ZC3H8: variants seen among roughly 807,000 people sequenced by gnomAD.
ZC3H8 encodes zinc finger CCCH-type containing 8.
ZC3H8 carries 27 observed loss-of-function variants against 42.5 expected under a neutral mutation model. The observed-to-expected ratio is 0.64, with a 90% confidence interval of 0.47 to 0.88. ZC3H8 has a LOEUF of 0.88. Ranked by LOEUF, ZC3H8 falls within the 40% of genes least tolerant of loss-of-function variation. The probability of loss-of-function intolerance (pLI) is 0.00; values close to 1 mark genes in which losing one functional copy is unlikely to be tolerated. For synonymous variants in ZC3H8, 101 were observed against 110.1 expected (o/e 0.92, Z 0.52); for missense variants, 277 against 336.1 (o/e 0.82, Z 1.37).
chr2:112,254,782 G>A, intron 1 of ZC3H8, 126 bp downstream of exon 1: 1 of 1,137,472 alleles, frequency 8.8e-7, no homozygotes, highest in Non-Finnish European at 1.2e-6. Context: ...GCCGGCCCAC[G>A]TGCTCCCCAC....
intron 2 of ZC3H8, 78 bp downstream of exon 2, chr2:112,250,111 TTC>T (rs1685896082): frequency 9.4e-7 from 1 of 1,062,016 alleles, no homozygotes; most frequent in African/African-American, 1.6e-5. Flanking sequence ...CATCTGTTTT[TTC>T]TTTTTTTGTT....
intron 8 of ZC3H8, among the ~76,000 whole-genome samples, chr2:112,226,255 A>T (rs964936146): frequency 6.6e-6 from 1 of 151,990 alleles, no homozygotes; most frequent in Non-Finnish European, 1.5e-5. Flanking sequence ...GAATAAACTT[A>T]TAACAAGGAC....
At chr2:112,229,723 G>A (rs995654678) in intron 8 of ZC3H8, among the ~76,000 whole-genome samples, 2 of 152,112 alleles carry the variant, frequency 1.3e-5, no homozygotes, top group Non-Finnish European at 2.9e-5. Flanking sequence ...GAACCTTGTA[G>A]TTGTTTTTGC....
At chr2:112,250,050 C>G in intron 2 of ZC3H8, 141 bp downstream of exon 2, 1 of 515,206 alleles carries the variant, frequency 1.9e-6, no homozygotes, top group Non-Finnish European at 3.3e-6. Flanking sequence ...GTCCCAAATG[C>G]TGGTAAAATG....
At chr2:112,249,717 TAC>T (rs1304530789) in intron 2 of ZC3H8, among the ~76,000 whole-genome samples, 1 of 152,218 alleles carries the variant, frequency 6.6e-6, no homozygotes, top group Non-Finnish European at 1.5e-5. Flanking sequence ...GTGCTGGGAC[TAC>T]AGGCGTGAGC....
At chr2:112,242,849 T>C (rs1453767162) in intron 2 of ZC3H8, among the ~76,000 whole-genome samples, 1 of 152,234 alleles carries the variant, frequency 6.6e-6, no homozygotes, top group Non-Finnish European at 1.5e-5. Context: ...TCCACAGATC[T>C]TTCCAAAAAT....
chr2:112,233,144 G>T, intron 6 of ZC3H8, 116 bp downstream of exon 6: 1 of 608,872 alleles, frequency 1.6e-6, no homozygotes, highest in Non-Finnish European at 2.8e-6. Context: ...TACTAAGTTG[G>T]GCTTGGATAA....
rs1276356201 is a variant in ZC3H8 at position 112,213,781 on chromosome 2, A to G, written c.*2703T>C. 8.0e-6 allele frequency: 1 copy of G among 125,588 alleles called. No homozygotes were observed. The allele number at this position is 125,588 out of a possible 1,614,324, so 7.8% of individuals were successfully genotyped here. A position where few individuals can be genotyped will look rare whatever the true frequency, so the allele number is the denominator to read the frequency against. On this transcript the variant is annotated 3_prime_UTR_variant, in exon 9 of 9. Coordinates refer to ENST00000409573, the MANE Select transcript of ZC3H8 (RefSeq NM_032494.3). The stretch of plus-strand genomic sequence containing the variant: ...ACAGAGCGAGACTCCGTCTCAAAAA[A>G]AAAAAAAAAAAAAAAAAAAAAAAAA...
chr2:112,254,273 T>C (rs1686050267), intron 1 of ZC3H8, among the ~76,000 whole-genome samples: 1 of 152,164 alleles, frequency 6.6e-6, no homozygotes, highest in Non-Finnish European at 1.5e-5. Flanking sequence ...TAGACACTGC[T>C]CCAAAAATAT....
intron 2 of ZC3H8, among the ~76,000 whole-genome samples, chr2:112,243,574 C>T (rs530872666): frequency 6.6e-6 from 1 of 151,694 alleles, no homozygotes; most frequent in South Asian, 2.1e-4. Context: ...AAATAATTAC[C>T]TCACAAAGAA....
rs893077936 is a variant in ZC3H8 at position 112,254,811 on chromosome 2, C to T, written c.74+97G>A. On this transcript the variant is annotated intron_variant, in intron 1 of 8. Coordinates refer to ENST00000409573, the MANE Select transcript of ZC3H8 (RefSeq NM_032494.3). ...TCCCCACGGGCCCTCGCGACGCGGC[C>T]CGGACGTGGCCCCGGACTGCCTCCA... The T allele has an allele frequency of 4.9e-6, 7 of 1,425,132 alleles. No individual in the cohort carries two copies. The African/African-American group carries it at 1.0e-4, about 20-fold the overall frequency. The allele number at this position is 1,425,132 out of a possible 1,614,324, so 88.3% of individuals were successfully genotyped here.
Position 112,224,793 on chromosome 2 carries a change from C to T in ZC3H8, c.*15+6110G>A, listed in dbSNP as rs147930769. ...CTAATCGATACTTACTGAAAGAATA[C>T]CAGTGGATGCCTAAGGTCTGAGAGA... On this transcript the variant is annotated intron_variant, in intron 8 of 8. Coordinates refer to ENST00000409573, the MANE Select transcript of ZC3H8 (RefSeq NM_032494.3). Among the ~76,000 whole-genome samples the T allele has an allele frequency of 5.9e-5, 9 of 152,158 alleles. No homozygotes were observed. In the East Asian group the frequency reaches 1.7e-3, roughly 29 times the overall value.
intron 6 of ZC3H8, 46 bp downstream of exon 6, chr2:112,233,214 T>C: frequency 7.7e-7 from 1 of 1,291,776 alleles, no homozygotes; most frequent in Non-Finnish European, 1.1e-6. Context: ...TTTAAAATGT[T>C]CATGTAAATA....
chr2:112,217,190 G>A (rs1480963437), intron 8 of ZC3H8, among the ~76,000 whole-genome samples: 3 of 152,084 alleles, frequency 2.0e-5, no homozygotes, highest in Non-Finnish European at 4.4e-5. Flanking sequence ...CCAACATGGT[G>A]AAACCCCACT....
chr2:112,237,362 G>T (rs983275966), intron 3 of ZC3H8, among the ~76,000 whole-genome samples: 1 of 152,152 alleles, frequency 6.6e-6, no homozygotes, highest in Non-Finnish European at 1.5e-5. Context: ...AACTTTAAGT[G>T]TTTACAATGA....
intron 8 of ZC3H8, among the ~76,000 whole-genome samples, chr2:112,228,865 G>C (rs1456128062): frequency 1.3e-5 from 2 of 150,982 alleles, no homozygotes; most frequent in Admixed American, 1.3e-4. Flanking sequence ...CATACGTAAA[G>C]AACTCCTAAA....
chr2:112,211,642 AAAC>A lies in ZC3H8; in HGVS notation c.*4839_*4841del, dbSNP rs1199799497. 4 of 152,364 alleles carry A rather than the reference AAAC, an allele frequency of 2.6e-5. No homozygotes were observed. The South Asian group carries it at 6.2e-4, about 24-fold the overall frequency. 9.4% of individuals were successfully genotyped at this position (152,364 alleles called of 1,614,324 possible). On this transcript the variant is annotated 3_prime_UTR_variant, in exon 9 of 9. Transcript: ENST00000409573. ...CACCATTTCTTATGTACTGCTAAGA[AAAC>A]AATAACCTGCTAATTAAAATGAGTC...
intron 8 of ZC3H8, among the ~76,000 whole-genome samples, chr2:112,225,938 C>T (rs893035870): frequency 1.3e-4 from 19 of 151,766 alleles, no homozygotes; most frequent in Admixed American, 5.9e-4. Context: ...AAAAATTAGC[C>T]GGGTGTGGTG....
Position 112,236,589 on chromosome 2 carries a change from C to G in ZC3H8, c.477G>C (p.Leu159Phe). Reference protein sequence around the residue: ...PGPGNKGSNALLRNSGSQEED... With the variant: ...PGPGNKGSNAFLRNSGSQEED... ...CTTCCTGTGAGCCGCTGTTCCTCAG[C>G]AAAGCATTTGATCCTTTGTTTCCAG... The change falls in exon 4 of 9, where the codon TTG becomes TTC. Residue 159 changes from leucine to phenylalanine, a missense_variant. Physicochemically the swap from Leu to Phe is conservative, Grantham distance 22 (BLOSUM62 0). Transcript: ENST00000409573. 6.2e-7 allele frequency: 1 copy of G among 1,613,930 alleles called. No homozygotes were observed. Among genetic ancestry groups the G allele is most frequent in the East Asian group, 2.2e-5 (1 of 44,886 alleles).
Sources: allele counts gnomAD v4.1 joint callset (sites outside exome capture counted in the v4.1 genomes callset), GRCh38; gene constraint gnomAD v4.1.1; transcripts MANE v1.5; gene names NCBI Gene and HGNC (gene_info 2026-07-23, HGNC 2026-07-21).